PLCH2: variants seen among roughly 807,000 people sequenced by gnomAD.
PLCH2 encodes phospholipase C eta 2, also known as 1-phosphatidylinositol 4,5-bisphosphate phosphodiesterase eta-2.
Under a neutral mutation model 134.7 loss-of-function variants are expected in PLCH2, and 98 were observed. That is an observed-to-expected ratio of 0.73 (90% CI 0.62 to 0.86). The LOEUF is 0.86. Among genes scored for constraint, PLCH2 ranks in the 40% least tolerant of loss-of-function variants. The probability of loss-of-function intolerance (pLI) is 0.00; values close to 1 mark genes in which losing one functional copy is unlikely to be tolerated. For missense variants in PLCH2, 1,994 were observed against 1,986.6 expected (o/e 1.00, Z -0.07); for synonymous variants, 974 against 827.5 (o/e 1.18, Z -3.04).
chr1:2,491,056 C>A, intron 10 of PLCH2, 136 bp from the exon 11 acceptor site: 1 of 806,130 alleles, frequency 1.2e-6, no homozygotes, highest in Non-Finnish European at 1.9e-6. Flanking sequence ...CCTGTGGCTG[C>A]CTGCAGGCCC....
chr1:2,426,596 C>G (rs1017358178), intron 1 of PLCH2, among the ~76,000 whole-genome samples: 1 of 152,258 alleles, frequency 6.6e-6, no homozygotes, highest in Non-Finnish European at 1.5e-5. Flanking sequence ...CTTCCCTTCC[C>G]TTGTCAAACA....
chr1:2,455,865 G>A (rs889247232), intron 2 of PLCH2, among the ~76,000 whole-genome samples: 6 of 152,204 alleles, frequency 3.9e-5, no homozygotes, highest in African/African-American at 1.2e-4. Context: ...CTGTTGAGCC[G>A]TGCCGTGGGT....
Position 2,498,867 on chromosome 1 carries a change from A to G in PLCH2, c.2434+39A>G, listed in dbSNP as rs1369584586. The G allele has an allele frequency of 6.6e-7, 1 of 1,505,618 alleles. No individual in the cohort carries two copies. The highest frequency in any genetic ancestry group is 2.3e-5 in the East Asian group (1 of 43,400). The allele number at this position is 1,505,618 out of a possible 1,614,324, so 93.3% of individuals were successfully genotyped here. On this transcript the variant is annotated intron_variant, in intron 18 of 21. Coordinates refer to ENST00000378486, the MANE Select transcript of PLCH2 (RefSeq NM_014638.4). This position sits in a 1 kb window ranked among gnomAD's most constrained non-coding sequence, Gnocchi z 5.4. The stretch of plus-strand genomic sequence containing the variant: ...GTGGCTCCGTCACACCTGTGATGGA[A>G]GTCTGAGGGGGGAGGGTTGGGGCTA...
In PLCH2 at chr1:2,499,046, C is replaced by T. The variant is rs544822244; in HGVS notation, c.2435-38C>T. 1.9e-6 allele frequency: 3 copies of T among 1,591,034 alleles called. No individual in the cohort carries two copies. The African/African-American group carries it at 4.0e-5, about 21-fold the overall frequency. Reference sequence around the variant, plus strand: ...GGCTGGAGCGGTGCTGGGCCGGGCCCTCCCCATGGGACACTCCTCCTGGCG... The same window carrying T: ...GGCTGGAGCGGTGCTGGGCCGGGCCTTCCCCATGGGACACTCCTCCTGGCG... On this transcript the variant is annotated intron_variant, in intron 18 of 21. Transcript: ENST00000378486.
At chr1:2,490,970 C>A (rs189768663) in intron 10 of PLCH2, among the ~76,000 whole-genome samples, 2 of 152,246 alleles carry the variant, frequency 1.3e-5, no homozygotes, top group Non-Finnish European at 2.9e-5. Flanking sequence ...GGCCAGAAGC[C>A]GCACAGGCTC....
chr1:2,472,697 C>T (rs1050147468), upstream of PLCH2, among the ~76,000 whole-genome samples: 1 of 152,118 alleles, frequency 6.6e-6, no homozygotes, highest in Non-Finnish European at 1.5e-5. Flanking sequence ...CCAGGGAGGT[C>T]CTTTGAAATG....
Position 2,436,893 on chromosome 1 carries a change from C to G in PLCH2, c.115+6264C>G, listed in dbSNP as rs576818730. ...GGAGGGTGTGGGCAGCATGGCCCATCTGGTTAGAGTGTCCCAAGAGACCAC... is the reference window on the plus strand; with the variant it reads ...GGAGGGTGTGGGCAGCATGGCCCATGTGGTTAGAGTGTCCCAAGAGACCAC... On this transcript the variant is annotated intron_variant, in intron 2 of 3. Coordinates refer to the PLCH2 transcript ENST00000609981. 7.9e-5 allele frequency among the ~76,000 whole-genome samples: 12 copies of G among 152,312 alleles called. No homozygotes were observed. In the South Asian group the frequency reaches 2.3e-3, roughly 29 times the overall value.
intron 2 of PLCH2, among the ~76,000 whole-genome samples, chr1:2,445,720 G>A (rs543246383): frequency 1.3e-5 from 2 of 152,278 alleles, no homozygotes; most frequent in South Asian, 2.1e-4. Flanking sequence ...CTGGCAGCCC[G>A]GTTCCCGAGG....
intron 21 of PLCH2, 175 bp downstream of exon 21, chr1:2,502,584 C>T (rs1174947350): frequency 5.9e-5 from 44 of 751,546 alleles, no homozygotes; most frequent in Non-Finnish European, 8.6e-5. Flanking sequence ...AGCCCGGGGC[C>T]TGCAAGCAGG....
intron 4 of PLCH2, 137 bp from the exon 5 acceptor site, chr1:2,484,311 C>A: frequency 1.2e-6 from 1 of 807,588 alleles, no homozygotes; most frequent in Non-Finnish European, 1.9e-6. Flanking sequence ...GATTGGAGGC[C>A]GTGACAAGGG....
At chr1:2,450,950 G>A (rs921185531) in intron 2 of PLCH2, among the ~76,000 whole-genome samples, 2 of 151,496 alleles carry the variant, frequency 1.3e-5, no homozygotes, top group African/African-American at 4.9e-5. Flanking sequence ...GGGTGAGCAG[G>A]TGACTTGTAG....
In PLCH2 at chr1:2,459,474, T is replaced by TCCTTGCC; in HGVS notation, c.116-19002_116-19001insCCTTGCC. On this transcript the variant is annotated intron_variant, in intron 2 of 3. Transcript: ENST00000609981. The stretch of plus-strand genomic sequence containing the variant: ...CCTCCTTCCTGGTGGTTCTCCTTCC[T>TCCTTGCC]GGTGGTCCTCCTTCCTGGTGGTCCT... Among the ~76,000 whole-genome samples, 142 of 31,976 alleles carry TCCTTGCC rather than the reference T, an allele frequency of 4.4e-3. 20 individuals are homozygous for TCCTTGCC. Among genetic ancestry groups the TCCTTGCC allele is most frequent in the South Asian group, 7.5e-3 (4 of 532 alleles). The allele number at this position is 31,976 out of a possible 152,430, so 21.0% of individuals were successfully genotyped here.
intron 1 of PLCH2, among the ~76,000 whole-genome samples, chr1:2,477,894 T>C (rs1475246103): frequency 1.3e-5 from 2 of 152,198 alleles, no homozygotes; most frequent in Non-Finnish European, 2.9e-5. Context: ...CACTCAGGAA[T>C]TCGACCGCTC....
In PLCH2 at chr1:2,439,728, C is replaced by G. The variant is rs1027080984; in HGVS notation, c.115+9099C>G. ...TTCACCTGGGGCTGACACTGCCACC[C>G]TCGGGGGAGAGTCCCGGGGTCCGTG... is the stretch of plus-strand genomic sequence containing the variant. On this transcript the variant is annotated intron_variant, in intron 2 of 3. Transcript: ENST00000609981. The surrounding 1 kb of genome is among the most constrained non-coding windows in gnomAD (Gnocchi z 4.7). Among the ~76,000 whole-genome samples, 2 of 152,198 alleles carry G rather than the reference C, an allele frequency of 1.3e-5. No individual in the cohort carries two copies. The highest frequency in any genetic ancestry group is 4.8e-5 in the African/African-American group (2 of 41,454).
At position 2,431,269 on chromosome 1, in the gene PLCH2, C is replaced by T. The variant is rs116811491; in HGVS notation, c.115+640C>T. Among the ~76,000 whole-genome samples the T allele has an allele frequency of 5.1e-3, 772 of 151,864 alleles. 8 individuals carry two copies. The highest frequency in any genetic ancestry group is 0.018 in the African/African-American group (733 of 41,372). ...AGTGGTGAGCGTGTGTGCGTGTGTG[C>T]GTGTGTCTGCCTGCACTCGTGAGGG... On this transcript the variant is annotated intron_variant, in intron 2 of 3. Transcript: ENST00000609981.
chr1:2,428,065 C>A (rs2100473233), intron 1 of PLCH2, among the ~76,000 whole-genome samples: 1 of 152,316 alleles, frequency 6.6e-6, no homozygotes, highest in South Asian at 2.1e-4. Context: ...TGGGCCTGGG[C>A]TGTGCTTCCT....
At chr1:2,486,181 C>G (rs930384017) in intron 5 of PLCH2, among the ~76,000 whole-genome samples, 18 of 152,308 alleles carry the variant, frequency 1.2e-4, no homozygotes, top group African/African-American at 3.9e-4. Flanking sequence ...CAGAAGTGAC[C>G]CTTCCCTCCC....
chr1:2,422,620 T>C (rs1051341652), upstream of PLCH2, among the ~76,000 whole-genome samples: 2 of 152,226 alleles, frequency 1.3e-5, no homozygotes, highest in Non-Finnish European at 2.9e-5. Context: ...TTTTGTATTG[T>C]TACATTATCA....
chr1:2,443,693 C>T (rs1639798068), intron 2 of PLCH2, among the ~76,000 whole-genome samples: 1 of 148,662 alleles, frequency 6.7e-6, no homozygotes, highest in Non-Finnish European at 1.5e-5. Context: ...CCCCGGCCCC[C>T]TCCCGGCGCG....
Sources: gnomAD v4.1 joint callset for allele counts (sites outside exome capture counted in the v4.1 genomes callset) on GRCh38, gnomAD v4.1.1 for gene constraint, Gnocchi (gnomAD v3.1) non-coding constraint, MANE v1.5 for transcripts, NCBI Gene and HGNC (gene_info 2026-07-23, HGNC 2026-07-21) for gene names.